Variants in PALS2 observed in about 807,000 individuals in gnomAD.
PALS2 encodes protein PALS2.
In PALS2, 27 loss-of-function variants were observed where a neutral mutation model predicts 61.6. The observed-to-expected ratio is 0.44, with a 90% CI of 0.32 to 0.60. The LOEUF is 0.60. Among genes scored for constraint, PALS2 ranks in the 20% least tolerant of loss-of-function variants. The probability of loss-of-function intolerance (pLI) is 0.05; values close to 1 mark genes in which losing one functional copy is unlikely to be tolerated. For synonymous variants in PALS2, 236 were observed against 218.6 expected, an observed-to-expected ratio of 1.08 and a Z score of -0.70; for missense variants, 554 against 639.4, an observed-to-expected ratio of 0.87 and a Z score of 1.44.
At chr7:24,624,729 C>G (rs1377741337) in intron 2 of PALS2, among the ~76,000 whole-genome samples, 1 of 151,128 alleles carries the variant, frequency 6.6e-6, no homozygotes, top group Non-Finnish European at 1.5e-5. Context: ...GCCTCAGCCT[C>G]CCGAGTAGCT....
At chr7:24,632,715 C>G (rs1785051939) in intron 2 of PALS2, among the ~76,000 whole-genome samples, 1 of 150,984 alleles carries the variant, frequency 6.6e-6, no homozygotes, top group Admixed American at 6.6e-5. Flanking sequence ...CTTTAGATCA[C>G]TGATGTTTCA....
intron 2 of PALS2, among the ~76,000 whole-genome samples, chr7:24,636,306 A>G (rs1245327541): frequency 1.3e-5 from 2 of 152,056 alleles, no homozygotes; most frequent in African/African-American, 2.4e-5. Flanking sequence ...AAATATGTCA[A>G]AGTGCCTGTC....
chr7:24,686,387 G>A (rs901412145), intron 11 of PALS2, among the ~76,000 whole-genome samples: 1 of 152,010 alleles, frequency 6.6e-6, no homozygotes, highest in Non-Finnish European at 1.5e-5. Flanking sequence ...GACTTACCTT[G>A]TTTCCCAACC....
chr7:24,668,181 G>A (rs73286298), intron 8 of PALS2, among the ~76,000 whole-genome samples: 11,530 of 151,884 alleles, frequency 0.076, 1,113 homozygotes, highest in African/African-American at 0.21. Context: ...AAATTAGCTG[G>A]GTATAATGGC....
Position 24,691,478 on chromosome 7 carries a change from A to C in PALS2, c.*3864A>C, listed in dbSNP as rs1788476667. 6.8e-6 allele frequency: 1 copy of C among 146,804 alleles called. No individual in the cohort carries two copies. The highest frequency in any genetic ancestry group is 1.5e-5 in the Non-Finnish European group (1 of 66,666). 9.1% of individuals were successfully genotyped at this position (146,804 alleles called of 1,614,324 possible). Reference sequence around the variant, plus strand: ...GTGTATAATATGTAAAATTCTCCCAAAATGTATGAATATAAAACTGAATGT... The same window carrying C: ...GTGTATAATATGTAAAATTCTCCCACAATGTATGAATATAAAACTGAATGT... On this transcript the variant is annotated 3_prime_UTR_variant, in exon 12 of 12. Coordinates refer to ENST00000222644, the MANE Select transcript of PALS2 (RefSeq NM_001303037.2).
intron 3 of PALS2, among the ~76,000 whole-genome samples, chr7:24,642,193 C>A (rs571785942): frequency 2.6e-5 from 4 of 152,216 alleles, no homozygotes; most frequent in African/African-American, 9.6e-5. Context: ...GGATTTTTTT[C>A]TTCCTCATTC....
chr7:24,623,293 G>A (rs1438962253), intron 1 of PALS2, among the ~76,000 whole-genome samples: 1 of 151,168 alleles, frequency 6.6e-6, no homozygotes, highest in Non-Finnish European at 1.5e-5. Flanking sequence ...CTGGTTCTGA[G>A]CTTGTGGGAA....
chr7:24,668,103 G>A (rs1787122604), intron 8 of PALS2, among the ~76,000 whole-genome samples: 2 of 151,916 alleles, frequency 1.3e-5, no homozygotes, highest in Non-Finnish European at 2.9e-5. Context: ...AGGATCATTT[G>A]AGGCCAGCAG....
intron 9 of PALS2, among the ~76,000 whole-genome samples, chr7:24,669,107 A>T (rs1190282972): frequency 1.3e-5 from 2 of 152,232 alleles, no homozygotes; most frequent in East Asian, 3.8e-4. Context: ...CAGTCATGCA[A>T]GGTCATAAAC....
At chr7:24,661,450 A>G (rs1164314461) in intron 5 of PALS2, among the ~76,000 whole-genome samples, 2 of 152,178 alleles carry the variant, frequency 1.3e-5, no homozygotes, top group African/African-American at 2.4e-5. Context: ...AATATTTGAA[A>G]TTTGGACTAT....
intron 1 of PALS2, among the ~76,000 whole-genome samples, chr7:24,582,883 CTT>C (rs757869072): frequency 1.0e-4 from 6 of 57,466 alleles, no homozygotes; most frequent in Non-Finnish European, 1.6e-4. Flanking sequence ...GATAGTCATG[CTT>C]TTTTTTTTTT....
In PALS2 at chr7:24,693,269, A is replaced by G. The variant is rs1170164088; in HGVS notation, c.*5655A>G. The G allele has an allele frequency of 6.6e-6, 1 of 152,194 alleles. No homozygotes were observed. Among genetic ancestry groups the G allele is most frequent in the Non-Finnish European group, 1.5e-5 (1 of 68,008 alleles). 9.4% of individuals were successfully genotyped at this position (152,194 alleles called of 1,614,324 possible). ...AAAAAGGTCTTAAAATTGGAAATAG[A>G]TGTCTTTATTGTACTTCAGCCAACA... is the stretch of plus-strand genomic sequence containing the variant. On this transcript the variant is annotated 3_prime_UTR_variant, in exon 12 of 12. Coordinates refer to ENST00000222644, the MANE Select transcript of PALS2 (RefSeq NM_001303037.2).
chr7:24,586,450 AT>A (rs1387861624), intron 1 of PALS2, among the ~76,000 whole-genome samples: 3 of 152,220 alleles, frequency 2.0e-5, no homozygotes, highest in African/African-American at 7.2e-5. Context: ...TAAGTATGGA[AT>A]AACCAAGGAA....
chr7:24,626,704 CA>C (rs534611859), intron 2 of PALS2, among the ~76,000 whole-genome samples: 3 of 146,858 alleles, frequency 2.0e-5, no homozygotes, highest in East Asian at 2.0e-4. Context: ...AAATGTAAAG[CA>C]AAAAAAAAGG....
chr7:24,616,540 C>T (rs1784298631), intron 1 of PALS2, among the ~76,000 whole-genome samples: 1 of 152,002 alleles, frequency 6.6e-6, no homozygotes, highest in Admixed American at 6.5e-5. Context: ...CTTTGCTTTC[C>T]CTCTGTGTGT....
At chr7:24,682,542 C>G (rs1787989910) in intron 11 of PALS2, among the ~76,000 whole-genome samples, 1 of 152,154 alleles carries the variant, frequency 6.6e-6, no homozygotes, top group Non-Finnish European at 1.5e-5. Context: ...AGCCAGGAAG[C>G]TGGGGTAATC....
At position 24,624,201 on chromosome 7, in the gene PALS2, T is replaced by G. The variant is rs2711127; in HGVS notation, c.117+417T>G. The G allele has an allele frequency of 0.028, 31,837 of 1,125,506 alleles. 3,975 individuals are homozygous for G. The African/African-American group carries it at 0.33, about 12-fold the overall frequency. The allele number at this position is 1,125,506 out of a possible 1,614,324, so 69.7% of individuals were successfully genotyped here. On this transcript the variant is annotated intron_variant, in intron 2 of 11. Transcript: ENST00000222644. ...TATCTAGTGCTTTTTTGAAATTTTG[T>G]TATTTGTTGCATAAGCCTGGTATTT...
chr7:24,680,768 G>T (rs556968778), intron 11 of PALS2, among the ~76,000 whole-genome samples: 2 of 152,058 alleles, frequency 1.3e-5, no homozygotes, highest in Non-Finnish European at 2.9e-5. Context: ...GCTAATTTTT[G>T]TATTTTTAGT....
Position 24,687,315 on chromosome 7 carries a change from A to G in PALS2, c.1447-123A>G, listed in dbSNP as rs1788258718. 1.3e-5 allele frequency: 9 copies of G among 719,162 alleles called. No individual in the cohort carries two copies. Among genetic ancestry groups the G allele is most frequent in the South Asian group, 1.1e-4 (6 of 54,482 alleles). The allele number at this position is 719,162 out of a possible 1,614,324, so 44.5% of individuals were successfully genotyped here. On this transcript the variant is annotated intron_variant, in intron 11 of 11. Coordinates refer to ENST00000222644, the MANE Select transcript of PALS2 (RefSeq NM_001303037.2). This position sits in a 1 kb window ranked among gnomAD's most constrained non-coding sequence, Gnocchi z 4.5. ...TTAACACTATATGGATTAGATTTTG[A>G]AGATTAATACCAGAATTACCAGAAA...
Sources: gnomAD v4.1 joint callset for allele counts (sites outside exome capture counted in the v4.1 genomes callset) on GRCh38, gnomAD v4.1.1 for gene constraint, Gnocchi (gnomAD v3.1) non-coding constraint, MANE v1.5 for transcripts, NCBI Gene and HGNC (gene_info 2026-07-23, HGNC 2026-07-21) for gene names.